The following PCLO variants were observed in gnomAD, a reference collection of about 807,000 sequenced individuals.
PCLO encodes piccolo presynaptic cytomatrix protein, also known as protein piccolo.
PCLO carries 82 observed loss-of-function variants against 427.5 expected under a neutral mutation model. That is an observed-to-expected ratio of 0.19 (90% CI 0.16 to 0.23). The LOEUF (loss-of-function observed/expected upper bound fraction) is 0.23. PCLO is among the 10% of genes least tolerant of loss of function. The pLI, the probability that PCLO is intolerant of heterozygous loss-of-function variation, is 1.00. For synonymous variants in PCLO, 2,357 were observed against 2,155.4 expected (o/e 1.09, Z -2.59); for missense variants, 6,239 against 6,115.9 (o/e 1.02, Z -0.67).
At position 83,162,462 on chromosome 7, in the gene PCLO, T is replaced by C. The variant is rs777691000; in HGVS notation, c.131A>G (p.Asp44Gly). 5 of 1,589,434 alleles carry C rather than the reference T, an allele frequency of 3.1e-6. No individual in the cohort carries two copies. Among genetic ancestry groups the C allele is most frequent in the Non-Finnish European group, 4.3e-6 (5 of 1,167,752 alleles). The change falls in exon 1 of 25, where the codon GAT becomes GGT. Residue 44 changes from aspartate (D) to glycine (G), a missense_variant. By Grantham distance (94) the Asp-to-Gly change is moderately conservative. Around this residue, in one of 5 missense-constraint regions of PCLO, gnomAD observed 4,677 missense variants for 4,468.4 expected, o/e 1.05. Coordinates refer to ENST00000333891, the MANE Select transcript of PCLO (RefSeq NM_033026.6). ...HTAIPAGMEA[D>G]LSQLSEEERR... ...CTCCTCTTCGCTCAGCTGGCTCAAA[T>C]CCGCCTCCATGCCGGCCGGGATCGC...
chr7:82,886,838 G>T (rs1793638760), intron 9 of PCLO, among the ~76,000 whole-genome samples: 1 of 152,072 alleles, frequency 6.6e-6, no homozygotes, highest in African/African-American at 2.4e-5. Flanking sequence ...TTGAAATTAT[G>T]CTTTAAGCAA....
At chr7:82,882,853 T>A (rs1012222091) in intron 9 of PCLO, among the ~76,000 whole-genome samples, 9 of 152,120 alleles carry the variant, frequency 5.9e-5, no homozygotes, top group African/African-American at 2.2e-4. Context: ...CATTTGCATT[T>A]AAATTTACAG....
intron 22 of PCLO, among the ~76,000 whole-genome samples, chr7:82,777,520 T>C (rs1790780269): frequency 6.6e-6 from 1 of 152,144 alleles, no homozygotes; most frequent in Non-Finnish European, 1.5e-5. Context: ...GGGGCTATAG[T>C]AACCAAAACA....
intron 2 of PCLO, among the ~76,000 whole-genome samples, chr7:83,150,868 A>G (rs1286843423): frequency 6.6e-6 from 1 of 152,228 alleles, no homozygotes; most frequent in Non-Finnish European, 1.5e-5. Flanking sequence ...TTGCATAGAA[A>G]AACTGTTTAC....
chr7:82,872,699 C>T (rs568679770), intron 10 of PCLO, among the ~76,000 whole-genome samples: 12 of 152,116 alleles, frequency 7.9e-5, no homozygotes, highest in African/African-American at 1.4e-4. Context: ...TTGTCTAAAG[C>T]GGTAAAAATA....
chr7:83,015,560 G>A (rs943676446), intron 3 of PCLO, among the ~76,000 whole-genome samples: 8 of 152,026 alleles, frequency 5.3e-5, no homozygotes, highest in African/African-American at 1.7e-4. Flanking sequence ...AATTATCAAT[G>A]AGTTGTGTTA....
At position 83,135,567 on chromosome 7, in the gene PCLO, C is replaced by T. The variant is rs780354940; in HGVS notation, c.1983G>A (p.Leu661=). ...APVPSSPQPK[L]KTAPVTTTSA... ...ATGTAGTGGTAACAGGTGCAGTCTT[C>T]AGTTTGGGCTGGGGTGATGACGGAA... The change falls in exon 3 of 25, where the codon CTG becomes CTA. Residue 661 remains leucine (L), a synonymous_variant. Coordinates refer to ENST00000333891, the MANE Select transcript of PCLO (RefSeq NM_033026.6). 6.8e-6 allele frequency: 11 copies of T among 1,613,406 alleles called. No homozygotes were observed. In the South Asian group the frequency reaches 1.2e-4, roughly 18 times the overall value.
intron 10 of PCLO, among the ~76,000 whole-genome samples, chr7:82,847,667 G>C (rs1262420700): frequency 3.3e-5 from 5 of 152,148 alleles, no homozygotes; most frequent in Non-Finnish European, 2.9e-5. Flanking sequence ...ATCATGAAAT[G>C]GGAGCAGTAG....
chr7:83,152,363 A>G (rs976637149), intron 2 of PCLO, among the ~76,000 whole-genome samples: 1 of 152,222 alleles, frequency 6.6e-6, no homozygotes, highest in Non-Finnish European at 1.5e-5. Context: ...TATCTAACAA[A>G]TATTTGATTC....
chr7:83,048,139 T>C (rs1789147056), intron 3 of PCLO, among the ~76,000 whole-genome samples: 1 of 152,116 alleles, frequency 6.6e-6, no homozygotes, highest in Admixed American at 6.6e-5. Context: ...TTATTAAATG[T>C]TTGCTGCTTT....
At chr7:82,851,257 T>C (rs1221732754) in intron 10 of PCLO, among the ~76,000 whole-genome samples, 3 of 151,456 alleles carry the variant, frequency 2.0e-5, no homozygotes, top group Non-Finnish European at 4.4e-5. Context: ...AAATAGGCAT[T>C]GAGAGCATTG....
intron 3 of PCLO, among the ~76,000 whole-genome samples, chr7:82,982,462 A>G (rs1796167567): frequency 1.3e-5 from 2 of 152,086 alleles, no homozygotes; most frequent in African/African-American, 4.8e-5. Flanking sequence ...AAATGTGCAC[A>G]GAAGCGGGGT....
intron 3 of PCLO, among the ~76,000 whole-genome samples, chr7:83,132,258 T>C (rs755981607): frequency 6.6e-6 from 1 of 152,186 alleles, no homozygotes; most frequent in Non-Finnish European, 1.5e-5. Context: ...TTCTGAAACC[T>C]AATCTTCCAA....
At chr7:83,023,884 G>A (rs1788409322) in intron 3 of PCLO, among the ~76,000 whole-genome samples, 2 of 152,182 alleles carry the variant, frequency 1.3e-5, no homozygotes, top group African/African-American at 4.8e-5. Context: ...AATAAGTCTT[G>A]AAATTCCAAT....
At chr7:82,895,463 G>C (rs1179084941) in intron 9 of PCLO, among the ~76,000 whole-genome samples, 1 of 151,682 alleles carries the variant, frequency 6.6e-6, no homozygotes, top group Non-Finnish European at 1.5e-5. Flanking sequence ...AAAAGATATA[G>C]ATGATATTTA....
rs1235093893 is a variant in PCLO, at chr7:82,965,779, C to T, written c.4009G>A (p.Glu1337Lys). 8 of 1,576,730 alleles carry T rather than the reference C, an allele frequency of 5.1e-6. No individual in the cohort carries two copies. In the Admixed American group the frequency reaches 1.0e-4, roughly 20 times the overall value. Reference protein sequence around the residue: ...AKPDQVEPGKEKTEKEDDKSD... With the variant: ...AKPDQVEPGKKKTEKEDDKSD... Reference sequence around the variant, plus strand: ...AGTAAAATTTAACTTACTGTTTTTTCTTTCCCAGGTTCCACCTGATCAGGT... The same window carrying T: ...AGTAAAATTTAACTTACTGTTTTTTTTTTCCCAGGTTCCACCTGATCAGGT... Residue 1337 changes from glutamate to lysine, a missense_variant, in exon 4 of 25, where the codon GAA (glutamate) becomes AAA (lysine). By Grantham distance (56) the Glu-to-Lys change is moderately conservative. Transcript: ENST00000333891.
chr7:83,073,343 T>C (rs1789866270), intron 3 of PCLO, among the ~76,000 whole-genome samples: 1 of 152,082 alleles, frequency 6.6e-6, no homozygotes, highest in East Asian at 1.9e-4. Flanking sequence ...TATGAATCAT[T>C]CTCAGAAAAC....
intron 3 of PCLO, among the ~76,000 whole-genome samples, chr7:83,080,892 T>C (rs1430931611): frequency 6.6e-6 from 1 of 151,846 alleles, no homozygotes; most frequent in East Asian, 1.9e-4. Context: ...AATTTATAAA[T>C]TAGGCATGGT....
intron 3 of PCLO, among the ~76,000 whole-genome samples, chr7:83,131,403 TGAA>T (rs963067078): frequency 6.6e-6 from 1 of 151,930 alleles, no homozygotes; most frequent in African/African-American, 2.4e-5. Context: ...GTTTGATTAA[TGAA>T]GGAGAAAGAG....
Sources: allele counts gnomAD v4.1 joint callset (sites outside exome capture counted in the v4.1 genomes callset), GRCh38; gene constraint gnomAD v4.1.1; regional missense constraint gnomAD v4.1.1; transcripts MANE v1.5; gene names NCBI Gene and HGNC (gene_info 2026-07-23, HGNC 2026-07-21).